The following KIAA1328 variants were observed in gnomAD, a reference collection of about 807,000 sequenced individuals.
The protein encoded by KIAA1328 is KIAA1328, also known as protein hinderin.
A neutral mutation model predicts 68.1 loss-of-function variants in KIAA1328; 52 were observed. The ratio of observed to expected loss-of-function variants is 0.76; its 90% CI spans 0.61 to 0.96. The LOEUF is 0.96. Among genes scored for constraint, KIAA1328 ranks in the 40% least tolerant of loss-of-function variants. The pLI is 0.00. For missense variants in KIAA1328, 641 were observed against 677.6 expected, an observed-to-expected ratio of 0.95 and a Z score of 0.60; for synonymous variants, 232 against 239.4, an observed-to-expected ratio of 0.97 and a Z score of 0.28.
At chr18:36,888,324 T>C (rs987879473) in intron 5 of KIAA1328, among the ~76,000 whole-genome samples, 3 of 152,180 alleles carry the variant, frequency 2.0e-5, no homozygotes, top group Admixed American at 2.0e-4. Flanking sequence ...ACCTAAAATA[T>C]TTATTATTTG....
intron 6 of KIAA1328, among the ~76,000 whole-genome samples, chr18:37,035,739 A>T (rs891900409): frequency 6.6e-6 from 1 of 152,168 alleles, no homozygotes; most frequent in African/African-American, 2.4e-5. Context: ...AGAAGATTTA[A>T]ACTAATTTTG....
chr18:36,933,304 GGAGA>G (rs767760562), intron 5 of KIAA1328, among the ~76,000 whole-genome samples: 11 of 152,118 alleles, frequency 7.2e-5, no homozygotes, highest in Non-Finnish European at 1.6e-4. Flanking sequence ...TGGTGGTGGT[GGAGA>G]GAGAGATAAC....
chr18:37,163,556 A>T (rs1036839079), intron 8 of KIAA1328, among the ~76,000 whole-genome samples: 1 of 150,972 alleles, frequency 6.6e-6, no homozygotes, highest in Non-Finnish European at 1.5e-5. Context: ...CCAAACACAT[A>T]TTTTTTTTTA....
chr18:37,187,850 A>G (rs1217512724), intron 9 of KIAA1328, among the ~76,000 whole-genome samples: 2 of 152,158 alleles, frequency 1.3e-5, no homozygotes, highest in African/African-American at 4.8e-5. Context: ...GAAGATGTCT[A>G]CCTTACAGAA....
chr18:37,155,715 T>G (rs1407087445), intron 7 of KIAA1328, among the ~76,000 whole-genome samples: 2 of 151,822 alleles, frequency 1.3e-5, no homozygotes, highest in Non-Finnish European at 2.9e-5. Flanking sequence ...CAAGATAGAG[T>G]TCAAGCCCCT....
intron 8 of KIAA1328, among the ~76,000 whole-genome samples, chr18:37,169,955 G>A (rs1273838414): frequency 6.6e-6 from 1 of 152,128 alleles, no homozygotes; most frequent in African/African-American, 2.4e-5. Context: ...CTGTGATAGT[G>A]ACCAAAAATA....
chr18:36,910,409 T>C (rs971372706), intron 5 of KIAA1328, among the ~76,000 whole-genome samples: 2 of 152,174 alleles, frequency 1.3e-5, no homozygotes, highest in Admixed American at 1.3e-4. Flanking sequence ...TTTTTTCAGG[T>C]TTGTCAAAGA....
At chr18:37,091,683 C>T (rs1412128129) in intron 7 of KIAA1328, among the ~76,000 whole-genome samples, 3 of 152,192 alleles carry the variant, frequency 2.0e-5, no homozygotes, top group Admixed American at 2.0e-4. Flanking sequence ...ACCCCTGCAT[C>T]TTCACATCTC....
intron 7 of KIAA1328, among the ~76,000 whole-genome samples, chr18:37,119,593 C>T (rs1785669134): frequency 6.6e-6 from 1 of 152,100 alleles, no homozygotes; most frequent in African/African-American, 2.4e-5. Context: ...CACCACCTCC[C>T]CATGAATTCA....
intron 9 of KIAA1328, among the ~76,000 whole-genome samples, chr18:37,210,752 T>C (rs1470141483): frequency 6.6e-6 from 1 of 152,252 alleles, no homozygotes; most frequent in Non-Finnish European, 1.5e-5. Context: ...ATTCATTTTT[T>C]ATTTTTCTTT....
intron 6 of KIAA1328, among the ~76,000 whole-genome samples, chr18:36,966,737 A>G (rs2051955157): frequency 6.6e-6 from 1 of 152,248 alleles, no homozygotes; most frequent in African/African-American, 2.4e-5. Flanking sequence ...TGCAAGACGT[A>G]TACACTGAAG....
chr18:36,885,650 A>C lies in KIAA1328; in HGVS notation c.426A>C (p.Glu142Asp). 1 of 1,590,336 alleles carries C rather than the reference A, an allele frequency of 6.3e-7. No individual in the cohort carries two copies. The highest frequency in any genetic ancestry group is 8.6e-7 in the Non-Finnish European group (1 of 1,166,178). Residue 142 changes from glutamate (E) to aspartate (D), a missense_variant, in exon 5 of 10, where the codon GAA (glutamate) becomes GAC (aspartate). Glu to Asp is a conservative substitution (Grantham distance 45). Transcript: ENST00000280020. ...KKIRQLEEQN[E>D]LIIKEREALQ... ...TCAGGCAGTTGGAAGAACAGAATGAACTGATCATCAAAGAAAGGGAAGATA... is the reference window on the plus strand; with the variant it reads ...TCAGGCAGTTGGAAGAACAGAATGACCTGATCATCAAAGAAAGGGAAGATA...
intron 7 of KIAA1328, among the ~76,000 whole-genome samples, chr18:37,097,721 C>T (rs1430503556): frequency 6.6e-6 from 1 of 152,156 alleles, no homozygotes; most frequent in Non-Finnish European, 1.5e-5. Context: ...GAATGTTCTT[C>T]CATTTCTTTG....
At chr18:37,034,498 T>A (rs2054953452) in intron 6 of KIAA1328, among the ~76,000 whole-genome samples, 1 of 152,198 alleles carries the variant, frequency 6.6e-6, no homozygotes, top group Non-Finnish European at 1.5e-5. Context: ...GAATCAAACT[T>A]ACTGGTTTTA....
chr18:36,897,069 A>G (rs1234942957), intron 5 of KIAA1328, among the ~76,000 whole-genome samples: 2 of 152,134 alleles, frequency 1.3e-5, no homozygotes. Flanking sequence ...CTAATTTTTC[A>G]GAAGTAGTGA....
At chr18:36,917,161 T>C (rs1332568010) in intron 5 of KIAA1328, among the ~76,000 whole-genome samples, 3 of 152,098 alleles carry the variant, frequency 2.0e-5, no homozygotes, top group Admixed American at 2.0e-4. Context: ...CCTTCATGGG[T>C]CATGTTTTCT....
chr18:37,041,446 T>C (rs1295240726), intron 6 of KIAA1328, among the ~76,000 whole-genome samples: 1 of 152,156 alleles, frequency 6.6e-6, no homozygotes. Context: ...AAATGTATTA[T>C]GGACCACATA....
At chr18:37,147,538 T>C (rs566779071) in intron 7 of KIAA1328, among the ~76,000 whole-genome samples, 5 of 152,238 alleles carry the variant, frequency 3.3e-5, no homozygotes, top group African/African-American at 1.2e-4. Context: ...ATAGGTTTGG[T>C]TTTATGCTTT....
At chr18:37,086,266 A>G (rs2057100790) in intron 7 of KIAA1328, among the ~76,000 whole-genome samples, 2 of 152,244 alleles carry the variant, frequency 1.3e-5, no homozygotes, top group Admixed American at 1.3e-4. Context: ...ATGTAAGGTG[A>G]TGGATTTGTT....
Sources: allele counts gnomAD v4.1 joint callset (sites outside exome capture counted in the v4.1 genomes callset), GRCh38; gene constraint gnomAD v4.1.1; transcripts MANE v1.5; gene names NCBI Gene and HGNC (gene_info 2026-07-23, HGNC 2026-07-21).